Variants in MICU2 observed in about 807,000 individuals in gnomAD.
The protein encoded by MICU2 is mitochondrial calcium uptake 2.
MICU2 carries 64 observed loss-of-function variants against 60.4 expected under a neutral mutation model. The ratio of observed to expected loss-of-function variants is 1.06; its 90% CI spans 0.87 to 1.31. The LOEUF (loss-of-function observed/expected upper bound fraction) is 1.31. MICU2 is among the 50% of genes most tolerant of loss of function. MICU2 has a pLI of 0.00. For synonymous variants in MICU2, 201 were observed against 175.0 expected (o/e 1.15, Z -1.17); for missense variants, 569 against 531.0 (o/e 1.07, Z -0.70).
rs1887788704 is a variant in MICU2 at position 21,559,528 on chromosome 13, T to TC, written c.358+7268dup. 3.1e-5 allele frequency among the ~76,000 whole-genome samples: 4 copies of TC among 129,280 alleles called. No homozygotes were observed. The Admixed American group carries it at 3.2e-4, about 10-fold the overall frequency. 84.8% of individuals were successfully genotyped at this position (129,280 alleles called of 152,430 possible). On this transcript the variant is annotated intron_variant, in intron 2 of 11. Coordinates refer to ENST00000382374, the MANE Select transcript of MICU2 (RefSeq NM_152726.3). Reference sequence around the variant, plus strand: ...TTCCAAAGTAGGAGTTTCTTTCTTTTCTTTTTTTTTTTTTGAGACAGAGTC... The same window carrying TC: ...TTCCAAAGTAGGAGTTTCTTTCTTTTCCTTTTTTTTTTTTTGAGACAGAGTC...
chr13:21,531,046 G>A (rs1566149632), intron 4 of MICU2: 20 of 946,826 alleles, frequency 2.1e-5, no homozygotes, highest in Non-Finnish European at 2.1e-5. Flanking sequence ...TTGCAGGATC[G>A]TGGTCTTTCC....
chr13:21,522,760 CCT>C (rs1886750391), intron 4 of MICU2, 110 bp from the exon 5 acceptor site: 2 of 754,182 alleles, frequency 2.7e-6, no homozygotes, highest in Non-Finnish European at 2.0e-6. Flanking sequence ...CTTTAAATTA[CCT>C]CTCTTTGATA....
At chr13:21,600,793 CTAT>C (rs10622847) in intron 1 of MICU2, among the ~76,000 whole-genome samples, 1 of 150,780 alleles carries the variant, frequency 6.6e-6, no homozygotes, top group Non-Finnish European at 1.5e-5. Context: ...GACATATTCA[CTAT>C]TATTATTATT....
intron 4 of MICU2, among the ~76,000 whole-genome samples, chr13:21,526,810 GAA>G (rs35261213): frequency 3.3e-5 from 5 of 149,996 alleles, no homozygotes; most frequent in Admixed American, 1.3e-4. Context: ...GCAGCAATGG[GAA>G]AAAAAAAAAC....
chr13:21,539,214 A>G (rs1887213421), intron 4 of MICU2, 88 bp downstream of exon 4: 1 of 1,158,982 alleles, frequency 8.6e-7, no homozygotes, highest in Non-Finnish European at 1.2e-6. Context: ...ATTAAATAAC[A>G]TGGTACAAAT....
At chr13:21,501,302 A>G (rs557826798) in intron 9 of MICU2, among the ~76,000 whole-genome samples, 70 of 151,424 alleles carry the variant, frequency 4.6e-4, no homozygotes, top group Middle Eastern at 3.5e-3. Context: ...TTGCTCTGTC[A>G]CCCAGGCTGG....
In MICU2 at chr13:21,539,368, C is replaced by A; in HGVS notation, c.400G>T (p.Asp134Tyr). The A allele has an allele frequency of 6.2e-7, 1 of 1,613,716 alleles. No individual in the cohort carries two copies. Among genetic ancestry groups the A allele is most frequent in the Non-Finnish European group, 8.5e-7 (1 of 1,179,796 alleles). Reference sequence around the variant, plus strand: ...GCTGTTTGGATCCCTGACAGTGTATCCTCGATGTCCTTTGAATACACATAT... The same window carrying A: ...GCTGTTTGGATCCCTGACAGTGTATACTCGATGTCCTTTGAATACACATAT... Reference protein sequence around the residue: ...VKKLTKKDIEDTLSGIQTAGC... With the variant: ...VKKLTKKDIEYTLSGIQTAGC... Residue 134 changes from aspartate (D) to tyrosine (Y), a missense_variant, in exon 4 of 12, where the codon GAT becomes TAT. Physicochemically the swap from Asp to Tyr is radical, Grantham distance 160 (BLOSUM62 -3). Transcript: ENST00000382374.
intron 4 of MICU2, among the ~76,000 whole-genome samples, chr13:21,525,286 A>G (rs1227980161): frequency 3.1e-4 from 40 of 129,440 alleles, no homozygotes; most frequent in African/African-American, 1.1e-3. Flanking sequence ...TCCGCCTCCC[A>G]GGTTCACGCC....
At chr13:21,571,614 C>T (rs1255872030) in intron 1 of MICU2, among the ~76,000 whole-genome samples, 3 of 152,304 alleles carry the variant, frequency 2.0e-5, no homozygotes, top group South Asian at 2.1e-4. Flanking sequence ...AGGAGAATGG[C>T]GTGAACCCAG....
chr13:21,595,181 C>T (rs763211044), intron 1 of MICU2, among the ~76,000 whole-genome samples: 4 of 152,070 alleles, frequency 2.6e-5, no homozygotes, highest in African/African-American at 4.8e-5. Flanking sequence ...AACTGTATAC[C>T]GGCTGTCAAT....
intron 2 of MICU2, among the ~76,000 whole-genome samples, chr13:21,547,680 T>G (rs1188313363): frequency 2.0e-5 from 3 of 151,778 alleles, no homozygotes. Context: ...CTAACATCTG[T>G]GCCAGGCACT....
intron 1 of MICU2, among the ~76,000 whole-genome samples, chr13:21,592,720 T>C (rs565251778): frequency 3.9e-5 from 6 of 152,028 alleles, no homozygotes; most frequent in South Asian, 2.1e-4. Context: ...CATACGCAAA[T>C]CAATAAACAT....
intron 1 of MICU2, among the ~76,000 whole-genome samples, chr13:21,597,856 A>G (rs918442471): frequency 1.6e-4 from 22 of 141,932 alleles, no homozygotes; most frequent in African/African-American, 5.5e-4. Flanking sequence ...GCGTGAACCC[A>G]GGAGGTGGAG....
chr13:21,514,490 C>T, intron 6 of MICU2, 72 bp from the exon 7 acceptor site: 1 of 1,052,226 alleles, frequency 9.5e-7, no homozygotes, highest in Non-Finnish European at 1.5e-6. Context: ...AAAATAGATG[C>T]CAACTTATTG....
chr13:21,588,445 C>T (rs1216879639), intron 1 of MICU2, among the ~76,000 whole-genome samples: 1 of 152,230 alleles, frequency 6.6e-6, no homozygotes, highest in Non-Finnish European at 1.5e-5. Flanking sequence ...GCTCTCTCTG[C>T]TATATCCCGA....
In MICU2 at chr13:21,563,379, C is replaced by T. The variant is rs9552452; in HGVS notation, c.358+3418G>A. ...CTGAGGCAGGAGAATGGCATGAACC[C>T]GGGAGGTGGAGCTTACAGTGAGCCA... On this transcript the variant is annotated intron_variant, in intron 2 of 11. Transcript: ENST00000382374. 9.2e-5 allele frequency among the ~76,000 whole-genome samples: 14 copies of T among 151,744 alleles called. No homozygotes were observed. In the East Asian group the frequency reaches 1.4e-3, roughly 15 times the overall value.
At chr13:21,503,633 T>C (rs933195082) in intron 8 of MICU2, among the ~76,000 whole-genome samples, 10 of 152,244 alleles carry the variant, frequency 6.6e-5, no homozygotes, top group African/African-American at 2.4e-4. Flanking sequence ...TACATGTCGA[T>C]ATGACTCAAC....
intron 4 of MICU2, chr13:21,530,751 C>T (rs1451189300): frequency 6.1e-5 from 34 of 558,994 alleles, no homozygotes; most frequent in East Asian, 4.0e-4. Flanking sequence ...GAGCAGCCCC[C>T]ACCCCAGCCA....
intron 9 of MICU2, among the ~76,000 whole-genome samples, chr13:21,501,469 A>G (rs998272004): frequency 1.3e-5 from 2 of 152,070 alleles, no homozygotes; most frequent in African/African-American, 4.8e-5. Context: ...TCACCGTGTT[A>G]ACCAGGATGG....
Sources: gnomAD v4.1 joint callset for allele counts (sites outside exome capture counted in the v4.1 genomes callset) on GRCh38, gnomAD v4.1.1 for gene constraint, MANE v1.5 for transcripts, NCBI Gene and HGNC (gene_info 2026-07-23, HGNC 2026-07-21) for gene names.